The following IFIT3 variants were observed in gnomAD, a reference collection of about 807,000 sequenced individuals.
The protein encoded by IFIT3 is interferon induced protein with tetratricopeptide repeats 3.
Under a neutral mutation model 2.4 loss-of-function variants are expected in IFIT3, and 2 were observed. The observed-to-expected ratio is 0.82, with a 90% confidence interval of 0.34 to 2.60. The LOEUF (loss-of-function observed/expected upper bound fraction) is 2.60. Ranked by LOEUF, IFIT3 falls within the 30% of genes most tolerant of loss-of-function variation. The pLI is 0.11. For synonymous variants in IFIT3, 203 were observed against 212.1 expected (o/e 0.96, Z 0.37); for missense variants, 481 against 562.4 (o/e 0.86, Z 1.46).
rs754516918 is a variant in IFIT3, at chr10:89,339,753, C to T, written c.1098C>T (p.Asn366=). The T allele has an allele frequency of 1.9e-6, 3 of 1,614,156 alleles. No individual in the cohort carries two copies. Among genetic ancestry groups the T allele is most frequent in the Non-Finnish European group, 2.5e-6 (3 of 1,180,034 alleles). The change falls in exon 2 of 2, where the codon AAC becomes AAT. Residue 366 remains asparagine, a synonymous_variant. Transcript: ENST00000371818. ...EKQQSHQRYC[N]LQKYNGKSED... ...AACAATCCCATCAGCGCTACTGCAA[C>T]CTTCAGAAATATAATGGGAAGTCTG... is the stretch of plus-strand genomic sequence containing the variant.
At chr10:89,335,242 T>A (rs1430908602) in intron 1 of IFIT3, 4 of 152,226 alleles carry the variant, frequency 2.6e-5, no homozygotes, top group African/African-American at 9.6e-5. Context: ...TCTTCCTGAA[T>A]AAATTGTTCC....
intron 1 of IFIT3, among the ~76,000 whole-genome samples, chr10:89,334,037 G>A (rs59564102): frequency 0.054 from 8,149 of 152,264 alleles, 393 homozygotes; most frequent in East Asian, 0.21. Flanking sequence ...TAGTCAGTTG[G>A]AGCATAACCA....
chr10:89,332,410 G>A, intron 1 of IFIT3: 2 of 1,199,010 alleles, frequency 1.7e-6, no homozygotes, highest in Non-Finnish European at 2.2e-6. Flanking sequence ...CCTGGCGTGA[G>A]TGAGCTCAGT....
At chr10:89,328,775 G>C (rs1843622963) in intron 1 of IFIT3, among the ~76,000 whole-genome samples, 1 of 152,216 alleles carries the variant, frequency 6.6e-6, no homozygotes, top group Non-Finnish European at 1.5e-5. Context: ...AAAGTGTAAT[G>C]ACCTAATCTA....
rs1843804014 is a variant in IFIT3, at chr10:89,339,199, C to T, written c.544C>T (p.His182Tyr). Residue 182 changes from histidine to tyrosine, a missense_variant, in exon 2 of 2, where the codon CAT becomes TAT. Physicochemically the swap from His to Tyr is moderately conservative, Grantham distance 83. Coordinates refer to ENST00000371818, the MANE Select transcript of IFIT3 (RefSeq NM_001549.6). ...CTCTGGACTGGCAATTGCGATGTAC[C>T]ATCTGGATAATCACCCAGAGAAACA... ...FSSGLAIAMY[H>Y]LDNHPEKQFS... 1 of 1,613,994 alleles carries T rather than the reference C, an allele frequency of 6.2e-7. No individual in the cohort carries two copies. Among genetic ancestry groups the T allele is most frequent in the African/African-American group, 1.3e-5 (1 of 74,912 alleles).
chr10:89,337,326 A>G (rs1483831374), intron 1 of IFIT3, among the ~76,000 whole-genome samples: 1 of 152,242 alleles, frequency 6.6e-6, no homozygotes, highest in Non-Finnish European at 1.5e-5. Context: ...ATAAAGAGTC[A>G]TGGGATAGCT....
intron 1 of IFIT3, among the ~76,000 whole-genome samples, chr10:89,331,106 G>C (rs1189484763): frequency 6.6e-6 from 1 of 152,214 alleles, no homozygotes; most frequent in Non-Finnish European, 1.5e-5. Context: ...AATGAGGACT[G>C]TTTACATAGG....
At chr10:89,337,603 T>C (rs1223047446) in intron 1 of IFIT3, among the ~76,000 whole-genome samples, 1 of 152,176 alleles carries the variant, frequency 6.6e-6, no homozygotes, top group Non-Finnish European at 1.5e-5. Flanking sequence ...TTTCGCCATG[T>C]TGCCCAGGCT....
In IFIT3 at chr10:89,340,035, A is replaced by G. The variant is rs772055570; in HGVS notation, c.1380A>G (p.Ala460=). 1.2e-6 allele frequency: 2 copies of G among 1,614,086 alleles called. No individual in the cohort carries two copies. The highest frequency in any genetic ancestry group is 1.3e-5 in the African/African-American group (1 of 74,942). ...PSGIGSIFLS[A]SELEDGSEEM... ...GCATAGGCAGTATTTTCCTGTCAGC[A>G]TCTGAGCTTGAGGATGGTAGTGAGG... Residue 460 remains alanine (A), a synonymous_variant, in exon 2 of 2, where the codon GCA becomes GCG. Coordinates refer to ENST00000371818, the MANE Select transcript of IFIT3 (RefSeq NM_001549.6).
At chr10:89,338,623 A>C in intron 1 of IFIT3, 38 bp from the exon 2 acceptor site, 1 of 1,576,076 alleles carries the variant, frequency 6.3e-7, no homozygotes, top group Non-Finnish European at 8.6e-7. Context: ...AGTGCTTGGC[A>C]GTGTACATCA....
Position 89,338,878 on chromosome 10 carries a change from C to A in IFIT3, c.223C>A (p.Arg75=). Reference sequence around the variant, plus strand: ...CAACGAGGCAGCCCTGGAATGCTTACGGCAAGCTGAAGAGTTAATCCAGCA... The same window carrying A: ...CAACGAGGCAGCCCTGGAATGCTTAAGGCAAGCTGAAGAGTTAATCCAGCA... The part of the protein sequence containing the change: ...GNNEAALECL[R]QAEELIQQEH... Residue 75 remains arginine, a synonymous_variant, in exon 2 of 2, where the codon CGG becomes AGG. Coordinates refer to ENST00000371818, the MANE Select transcript of IFIT3 (RefSeq NM_001549.6). The A allele has an allele frequency of 6.2e-7, 1 of 1,614,144 alleles. No homozygotes were observed. The highest frequency in any genetic ancestry group is 8.5e-7 in the Non-Finnish European group (1 of 1,180,012).
chr10:89,333,646 G>A (rs1315597148), intron 1 of IFIT3, among the ~76,000 whole-genome samples: 1 of 152,128 alleles, frequency 6.6e-6, no homozygotes, highest in Non-Finnish European at 1.5e-5. Flanking sequence ...ACCAGAATTG[G>A]CAACAAAGTG....
At position 89,338,658 on chromosome 10, in the gene IFIT3, C is replaced by A; in HGVS notation, c.6-3C>A. ...ACAGTGACCATGTTTATTTTCTCCA[C>A]AGTGAGGTCACCAAGAATTCCCTGG... On this transcript the variant is annotated splice_region_variant and splice_polypyrimidine_tract_variant and intron_variant, in intron 1 of 1. Transcript: ENST00000371818. 1 of 1,607,732 alleles carries A rather than the reference C, an allele frequency of 6.2e-7. No homozygotes were observed. The highest frequency in any genetic ancestry group is 8.5e-7 in the Non-Finnish European group (1 of 1,176,258).
At chr10:89,333,925 G>A (rs7898580) in intron 1 of IFIT3, among the ~76,000 whole-genome samples, 9,416 of 152,202 alleles carry the variant, frequency 0.062, 700 homozygotes, top group African/African-American at 0.18. Flanking sequence ...TGAGAAGTCC[G>A]GCTCTGGAGA....
chr10:89,339,732 A>G lies in IFIT3; in HGVS notation c.1077A>G (p.Gln359=), dbSNP rs1488789450. Residue 359 remains glutamine (Q), a synonymous_variant, in exon 2 of 2, where the codon CAA becomes CAG. Coordinates refer to ENST00000371818, the MANE Select transcript of IFIT3 (RefSeq NM_001549.6). ...AAGTCCCTGATGCTGAAAAGCAACA[A>G]TCCCATCAGCGCTACTGCAACCTTC... ...NKEVPDAEKQ[Q]SHQRYCNLQK... 4 of 1,614,102 alleles carry G rather than the reference A, an allele frequency of 2.5e-6. No homozygotes were observed. Among genetic ancestry groups the G allele is most frequent in the East Asian group, 4.5e-5 (2 of 44,896 alleles).
At chr10:89,334,323 G>C (rs1843695213) in intron 1 of IFIT3, among the ~76,000 whole-genome samples, 2 of 151,826 alleles carry the variant, frequency 1.3e-5, no homozygotes, top group South Asian at 4.2e-4. Context: ...TCTTATGTCT[G>C]CAATCCGAGG....
chr10:89,339,677 C>T lies in IFIT3; in HGVS notation c.1022C>T (p.Thr341Met), dbSNP rs552290967. The change falls in exon 2 of 2, where the codon ACG becomes ATG. Residue 341 changes from threonine (T) to methionine (M), a missense_variant. By Grantham distance (81) the Thr-to-Met change is moderately conservative (BLOSUM62 -1). Coordinates refer to ENST00000371818, the MANE Select transcript of IFIT3 (RefSeq NM_001549.6). ...AYSDLAEFLETECYQTPFNKE... is the reference protein window; with the variant it reads ...AYSDLAEFLEMECYQTPFNKE... ...TCCGATCTCGCTGAGTTCCTGGAGA[C>T]GGAATGTTATCAGACACCATTCAAT... 34 of 1,614,138 alleles carry T rather than the reference C, an allele frequency of 2.1e-5. No homozygotes were observed. In the East Asian group the frequency reaches 3.3e-4, roughly 16 times the overall value.
chr10:89,336,929 A>T (rs1312761076), intron 1 of IFIT3, among the ~76,000 whole-genome samples: 2 of 152,240 alleles, frequency 1.3e-5, no homozygotes, highest in African/African-American at 4.8e-5. Context: ...AGATAATGGG[A>T]ACACACTTAG....
intron 1 of IFIT3, among the ~76,000 whole-genome samples, chr10:89,335,152 G>C (rs1589607470): frequency 6.6e-6 from 1 of 152,116 alleles, no homozygotes; most frequent in South Asian, 2.1e-4. Flanking sequence ...AGGGAGTAAG[G>C]CTTAGGAAAA....
Sources: gnomAD v4.1 joint callset for allele counts (sites outside exome capture counted in the v4.1 genomes callset) on GRCh38, gnomAD v4.1.1 for gene constraint, MANE v1.5 for transcripts, NCBI Gene and HGNC (gene_info 2026-07-23, HGNC 2026-07-21) for gene names.